EIF2AK2: variants seen among roughly 807,000 people sequenced by gnomAD.
EIF2AK2 encodes eukaryotic translation initiation factor 2 alpha kinase 2.
In EIF2AK2, 40 loss-of-function variants were observed where a neutral mutation model predicts 70.5. The ratio of observed to expected loss-of-function variants is 0.57; its 90% CI spans 0.44 to 0.74. EIF2AK2 has a LOEUF of 0.74. Ranked by LOEUF, EIF2AK2 falls within the 30% of genes least tolerant of loss-of-function variation. The pLI is 0.00. For synonymous variants in EIF2AK2, 198 were observed against 220.9 expected (o/e 0.90, Z 0.92); for missense variants, 555 against 644.3 (o/e 0.86, Z 1.50).
In EIF2AK2 at chr2:37,141,548, C is replaced by A; in HGVS notation, c.389+5G>T. Reference sequence around the variant, plus strand: ...AACAGAAAGAAAAGCCAAATTATGTCTTACCCTTCTGGCCCATGCACCCCC... The same window carrying A: ...AACAGAAAGAAAAGCCAAATTATGTATTACCCTTCTGGCCCATGCACCCCC... On this transcript the variant is annotated splice_donor_5th_base_variant and intron_variant, in intron 5 of 16. Coordinates refer to ENST00000233057, the MANE Select transcript of EIF2AK2 (RefSeq NM_001135651.3). 1 of 1,608,060 alleles carries A rather than the reference C, an allele frequency of 6.2e-7. No individual in the cohort carries two copies. The highest frequency in any genetic ancestry group is 1.7e-4 in the Middle Eastern group (1 of 6,048).
rs1259234260 is a variant in EIF2AK2 at position 37,102,106 on chromosome 2, G to A, written c.*5167C>T. 2.0e-5 allele frequency: 3 copies of A among 152,040 alleles called. No individual in the cohort carries two copies. Among genetic ancestry groups the A allele is most frequent in the Admixed American group, 6.6e-5 (1 of 15,240 alleles). 9.4% of individuals were successfully genotyped at this position (152,040 alleles called of 1,614,324 possible). On this transcript the variant is annotated 3_prime_UTR_variant, in exon 17 of 17. Transcript: ENST00000233057. Reference sequence around the variant, plus strand: ...AATTTAAAAATTAGTTGGGTGTGTTGGTGTATGCATGTAGTCCCAGCTATT... The same window carrying A: ...AATTTAAAAATTAGTTGGGTGTGTTAGTGTATGCATGTAGTCCCAGCTATT...
chr2:37,155,557 C>T (rs1275708040), intron 1 of EIF2AK2, among the ~76,000 whole-genome samples: 1 of 152,192 alleles, frequency 6.6e-6, no homozygotes, highest in Non-Finnish European at 1.5e-5. Context: ...CCTTGCCCAA[C>T]CTTCAACACA....
chr2:37,109,287 C>A lies in EIF2AK2; in HGVS notation c.1386G>T (p.Ser462=). ...GGTCCACTTCCTTTCCATAGTCTTG[C>A]GAAGAAATCTAAAGAGACCAAAATA... is the stretch of plus-strand genomic sequence containing the variant. ...LRYMSPEQIS[S]QDYGKEVDLY... Residue 462 remains serine (S), a synonymous_variant, in exon 15 of 17, where the codon TCG becomes TCT. Transcript: ENST00000233057. 6.2e-7 allele frequency: 1 copy of A among 1,613,760 alleles called. No homozygotes were observed. The highest frequency in any genetic ancestry group is 1.1e-5 in the South Asian group (1 of 91,006).
At chr2:37,130,749 C>G (rs1423615895) in intron 10 of EIF2AK2, among the ~76,000 whole-genome samples, 1 of 152,326 alleles carries the variant, frequency 6.6e-6, no homozygotes, top group Non-Finnish European at 1.5e-5. Flanking sequence ...CTCACTATTT[C>G]GGTCAGGCAC....
At chr2:37,124,731 C>CTT (rs528735782) in intron 11 of EIF2AK2, among the ~76,000 whole-genome samples, 3 of 144,336 alleles carry the variant, frequency 2.1e-5, no homozygotes. Flanking sequence ...GAATAACATT[C>CTT]TTTTTTTTTT....
intron 3 of EIF2AK2, 43 bp downstream of exon 3, chr2:37,147,642 CTCA>C (rs1675601489): frequency 7.8e-7 from 1 of 1,282,728 alleles, no homozygotes; most frequent in Admixed American, 1.7e-5. Context: ...AGGACATGAA[CTCA>C]TCATTTTTTA....
rs1673964644 is a variant in EIF2AK2 at position 37,106,403 on chromosome 2, G to A, written c.*870C>T. The A allele has an allele frequency of 6.6e-6, 1 of 151,706 alleles. No homozygotes were observed. Among genetic ancestry groups the A allele is most frequent in the South Asian group, 2.1e-4 (1 of 4,816 alleles). 9.4% of individuals were successfully genotyped at this position (151,706 alleles called of 1,614,324 possible). A position where few individuals can be genotyped will look rare whatever the true frequency, so the allele number is the denominator to read the frequency against. On this transcript the variant is annotated 3_prime_UTR_variant, in exon 17 of 17. Coordinates refer to ENST00000233057, the MANE Select transcript of EIF2AK2 (RefSeq NM_001135651.3). ...AATTTTTTTAATCCATTCTTCTTTT[G>A]ATGTGCATTATGGTTGTTCCCTGTT...
At chr2:37,138,793 T>C (rs1675217589) in intron 6 of EIF2AK2, among the ~76,000 whole-genome samples, 1 of 152,036 alleles carries the variant, frequency 6.6e-6, no homozygotes, top group Non-Finnish European at 1.5e-5. Context: ...AGGGCAGATA[T>C]TTTGTTTGTT....
At chr2:37,117,221 A>AAAAAAAG (rs1183281284) in intron 13 of EIF2AK2, among the ~76,000 whole-genome samples, 1 of 144,244 alleles carries the variant, frequency 6.9e-6, no homozygotes, top group African/African-American at 2.6e-5. Flanking sequence ...CAAAAAAAAA[A>AAAAAAAG]AAAAAAGAAA....
intron 1 of EIF2AK2, among the ~76,000 whole-genome samples, chr2:37,152,053 G>A (rs1023504669): frequency 1.4e-4 from 21 of 152,194 alleles, no homozygotes; most frequent in African/African-American, 4.8e-4. Context: ...GCGACAGAGC[G>A]AAGACTCCAT....
chr2:37,120,883 G>C (rs566663124), intron 12 of EIF2AK2, among the ~76,000 whole-genome samples: 54 of 148,364 alleles, frequency 3.6e-4, no homozygotes, highest in African/African-American at 1.2e-3. Flanking sequence ...AGAATCATTT[G>C]AACCCAGAAG....
In EIF2AK2 at chr2:37,148,849, G is replaced by A. The variant is rs890902499; in HGVS notation, c.-17+8C>T. ...TTCTGAGTGCAAAATTCGGAAGACC[G>A]CTTGTACCTGGTTGGAAGCTTTGTC... On this transcript the variant is annotated splice_region_variant and intron_variant, in intron 2 of 16. Transcript: ENST00000233057. The A allele has an allele frequency of 5.9e-5, 50 of 843,552 alleles. 1 individual carries two copies. Among genetic ancestry groups the A allele is most frequent in the South Asian group, 4.9e-4 (37 of 75,140 alleles). The allele number at this position is 843,552 out of a possible 1,614,324, so 52.3% of individuals were successfully genotyped here. A position where few individuals can be genotyped will look rare whatever the true frequency, so the allele number is the denominator to read the frequency against.
intron 13 of EIF2AK2, among the ~76,000 whole-genome samples, chr2:37,119,752 C>T (rs1674470699): frequency 6.6e-6 from 1 of 151,492 alleles, no homozygotes; most frequent in South Asian, 2.1e-4. Flanking sequence ...CCACCATGCC[C>T]AGCTAATTTT....
intron 11 of EIF2AK2, among the ~76,000 whole-genome samples, chr2:37,126,039 G>A (rs575328557): frequency 1.3e-5 from 2 of 152,238 alleles, no homozygotes; most frequent in African/African-American, 4.8e-5. Context: ...TAAAGCAAAT[G>A]ACTCTATAGC....
intron 14 of EIF2AK2, among the ~76,000 whole-genome samples, chr2:37,112,609 C>A (rs1285776839): frequency 6.6e-6 from 1 of 151,792 alleles, no homozygotes; most frequent in African/African-American, 2.4e-5. Flanking sequence ...AATACTAAAG[C>A]CTAGTTTATA....
At chr2:37,140,883 T>C (rs1212442107) in intron 5 of EIF2AK2, among the ~76,000 whole-genome samples, 1 of 131,648 alleles carries the variant, frequency 7.6e-6, no homozygotes, top group Admixed American at 7.1e-5. Flanking sequence ...TTTTTCTTCT[T>C]TCTCTTTAAC....
rs1673840093 is a variant in EIF2AK2 at position 37,102,066 on chromosome 2, C to T, written c.*5207G>A. ...ACCAGCCTGGGAAACACAGCAAGAC[C>T]ATATTTCTACAAAAAATTTAAAAAT... On this transcript the variant is annotated 3_prime_UTR_variant, in exon 17 of 17. Transcript: ENST00000233057. 6.6e-6 allele frequency: 1 copy of T among 152,150 alleles called. No homozygotes were observed. 9.4% of individuals were successfully genotyped at this position (152,150 alleles called of 1,614,324 possible). A position where few individuals can be genotyped will look rare whatever the true frequency, so the allele number is the denominator to read the frequency against.
At position 37,147,678 on chromosome 2, in the gene EIF2AK2, A is replaced by T; in HGVS notation, c.119+10T>A. The stretch of plus-strand genomic sequence containing the variant: ...TTATGGCTGCCATATCATTTTTTAT[A>T]GCAACCTACCTCCTATCATGTGGAG... On this transcript the variant is annotated intron_variant, in intron 3 of 16. Coordinates refer to ENST00000233057, the MANE Select transcript of EIF2AK2 (RefSeq NM_001135651.3). The T allele has an allele frequency of 6.4e-7, 1 of 1,568,284 alleles. No homozygotes were observed. The highest frequency in any genetic ancestry group is 1.1e-5 in the South Asian group (1 of 90,076).
chr2:37,147,964 T>C, intron 2 of EIF2AK2, 142 bp from the exon 3 acceptor site: 1 of 504,832 alleles, frequency 2.0e-6, no homozygotes, highest in Non-Finnish European at 3.6e-6. Flanking sequence ...TGCAGAGACT[T>C]TCTTTCAAAA....
Sources: gnomAD v4.1 joint callset for allele counts (sites outside exome capture counted in the v4.1 genomes callset) on GRCh38, gnomAD v4.1.1 for gene constraint, MANE v1.5 for transcripts, NCBI Gene and HGNC (gene_info 2026-07-23, HGNC 2026-07-21) for gene names.